Variants in MTFR1 observed in about 807,000 individuals in gnomAD.
MTFR1 encodes mitochondrial fission regulator 1, also known as chondrocyte protein with a poly-proline region.
A neutral mutation model predicts 38.8 loss-of-function variants in MTFR1; 28 were observed. The ratio of observed to expected loss-of-function variants is 0.72; its 90% CI spans 0.53 to 0.99. The LOEUF (loss-of-function observed/expected upper bound fraction) is 0.99, where lower values mean the gene tolerates loss of function less well. MTFR1 is among the 50% of genes least tolerant of loss of function. The pLI is 0.00. For missense variants in MTFR1, 358 were observed against 395.5 expected (o/e 0.91, Z 0.81); for synonymous variants, 145 against 137.0 (o/e 1.06, Z -0.41).
At chr8:65,691,372 C>G (rs571917690) in intron 3 of MTFR1, among the ~76,000 whole-genome samples, 25 of 152,272 alleles carry the variant, frequency 1.6e-4, no homozygotes, top group African/African-American at 5.8e-4. Flanking sequence ...ACTGCAGCCT[C>G]TGCCTCCTGG....
chr8:65,750,473 A>AGTGTGTGTGTGTGT (rs1319487194), intron 3 of MTFR1, among the ~76,000 whole-genome samples: 6 of 80,406 alleles, frequency 7.5e-5, no homozygotes, highest in Non-Finnish European at 2.6e-5. Flanking sequence ...AATTAGAATC[A>AGTGTGTGTGTGTGT]CTGTGTGTGT....
chr8:65,775,133 T>C (rs914439851), downstream of MTFR1, among the ~76,000 whole-genome samples: 2 of 152,212 alleles, frequency 1.3e-5, no homozygotes, highest in African/African-American at 4.8e-5. Context: ...TCTTTATCTG[T>C]GGTGTTTTCC....
intron 3 of MTFR1, chr8:65,726,843 T>TAA (rs1466913242): frequency 8.5e-7 from 1 of 1,172,944 alleles, no homozygotes; most frequent in Non-Finnish European, 1.3e-6. Flanking sequence ...CTATAACCAG[T>TAA]AACAAATTAA....
chr8:65,724,060 T>A (rs531778221), intron 3 of MTFR1, among the ~76,000 whole-genome samples: 1 of 152,330 alleles, frequency 6.6e-6, no homozygotes, highest in South Asian at 2.1e-4. Context: ...CATCTGATCA[T>A]TCCAAAAGAG....
intron 3 of MTFR1, chr8:65,728,703 CTA>C (rs1158102224): frequency 6.6e-6 from 1 of 152,122 alleles, no homozygotes; most frequent in Non-Finnish European, 1.5e-5. Flanking sequence ...GCATGGGTGT[CTA>C]TGTCTTATGA....
chr8:65,673,202 G>T (rs1804611985), intron 2 of MTFR1, among the ~76,000 whole-genome samples: 2 of 152,172 alleles, frequency 1.3e-5, no homozygotes, highest in South Asian at 4.1e-4. Flanking sequence ...TAATTCCAGT[G>T]TTGTTTTGAC....
At chr8:65,733,667 A>G (rs1806999448) in intron 3 of MTFR1, among the ~76,000 whole-genome samples, 1 of 152,120 alleles carries the variant, frequency 6.6e-6, no homozygotes, top group Non-Finnish European at 1.5e-5. Flanking sequence ...ATTTGTCAAA[A>G]CCGTACACAT....
intron 3 of MTFR1, among the ~76,000 whole-genome samples, chr8:65,764,565 A>G (rs949105948): frequency 6.6e-6 from 1 of 152,218 alleles, no homozygotes; most frequent in Non-Finnish European, 1.5e-5. Context: ...TGAGCAAACT[A>G]TTTGTACACC....
chr8:65,727,373 G>A, intron 3 of MTFR1: 2 of 1,578,856 alleles, frequency 1.3e-6, no homozygotes. Flanking sequence ...CAGTAGTTTT[G>A]AATTAGCAGC....
At chr8:65,727,176 T>A in intron 3 of MTFR1, 4 of 1,580,460 alleles carry the variant, frequency 2.5e-6, no homozygotes, top group African/African-American at 1.3e-5. Flanking sequence ...TAACCTTGTA[T>A]AAAGTTGCCA....
chr8:65,715,987 G>A (rs1390628773), intron 2 of MTFR1, among the ~76,000 whole-genome samples: 3 of 109,014 alleles, frequency 2.8e-5, no homozygotes, highest in African/African-American at 6.9e-5. Context: ...ACAGAGCAAG[G>A]CTCTGTCTCA....
chr8:65,736,706 CG>C (rs1807144194), intron 3 of MTFR1, among the ~76,000 whole-genome samples: 1 of 149,970 alleles, frequency 6.7e-6, no homozygotes, highest in South Asian at 2.1e-4. Flanking sequence ...GCCATGATCA[CG>C]CCACTGCACT....
chr8:65,777,104 CAG>C, the MTFR1 span, among the ~76,000 whole-genome samples: 8 of 86,584 alleles, frequency 9.2e-5, no homozygotes, highest in Non-Finnish European at 1.5e-4. Context: ...TTTTTTGAGA[CAG>C]AGTTTTGTTC....
intron 1 of MTFR1, among the ~76,000 whole-genome samples, chr8:65,654,183 C>T (rs1295399276): frequency 6.6e-6 from 1 of 151,976 alleles, no homozygotes; most frequent in Non-Finnish European, 1.5e-5. Context: ...AGGGTCTCAC[C>T]ACCAAGCCCT....
downstream of MTFR1, among the ~76,000 whole-genome samples, chr8:65,711,731 G>T (rs1222185254): frequency 6.6e-6 from 1 of 152,146 alleles, no homozygotes; most frequent in Non-Finnish European, 1.5e-5. Context: ...AACCAAGTAA[G>T]GATCTATAAC....
intron 1 of MTFR1, among the ~76,000 whole-genome samples, chr8:65,654,143 C>G (rs1403276413): frequency 1.3e-5 from 2 of 149,666 alleles, no homozygotes; most frequent in Non-Finnish European, 3.0e-5. Flanking sequence ...ACAAACAATA[C>G]AGGAGTGCAT....
In MTFR1 at chr8:65,682,419, T is replaced by C. The variant is rs1411341059; in HGVS notation, c.133T>C (p.Ser45Pro). 1 of 1,564,256 alleles carries C rather than the reference T, an allele frequency of 6.4e-7. No individual in the cohort carries two copies. The highest frequency in any genetic ancestry group is 8.7e-7 in the Non-Finnish European group (1 of 1,153,938). Residue 45 changes from serine (S) to proline (P), a missense_variant, in exon 3 of 8, where the codon TCT becomes CCT. Transcript: ENST00000262146. Reference protein sequence around the residue: ...SIVRKIGTNLSLIQCPRVQFQ... With the variant: ...SIVRKIGTNLPLIQCPRVQFQ... ...CGTAAGGAAAATTGGTACTAATTTG[T>C]CTCTGATTCAGTGTCCAAGAGTTCA...
At chr8:65,758,380 A>T (rs1389479488) in intron 3 of MTFR1, among the ~76,000 whole-genome samples, 1 of 152,232 alleles carries the variant, frequency 6.6e-6, no homozygotes, top group African/African-American at 2.4e-5. Flanking sequence ...TAAGGGGGAA[A>T]AAATGTTTTT....
intron 6 of MTFR1, 49 bp from the exon 7 acceptor site, chr8:65,707,794 G>A (rs368109831): frequency 2.5e-6 from 4 of 1,586,598 alleles, no homozygotes; most frequent in South Asian, 1.2e-5. Context: ...TTCCCTGAGG[G>A]TGGCCAGTGT....
Sources: allele counts gnomAD v4.1 joint callset (sites outside exome capture counted in the v4.1 genomes callset), GRCh38; gene constraint gnomAD v4.1.1; transcripts MANE v1.5; gene names NCBI Gene and HGNC (gene_info 2026-07-23, HGNC 2026-07-21).